Variants in PTPRB observed in about 807,000 individuals in gnomAD.
PTPRB encodes the protein protein tyrosine phosphatase receptor type B.
Under a neutral mutation model 238.1 loss-of-function variants are expected in PTPRB, and 97 were observed. The ratio of observed to expected loss-of-function variants is 0.41; its 90% CI spans 0.35 to 0.48. The LOEUF is 0.48. PTPRB is among the 20% of genes least tolerant of loss of function. The pLI, the probability that PTPRB is intolerant of heterozygous loss-of-function variation, is 0.30. For synonymous variants in PTPRB, 970 were observed against 995.4 expected (o/e 0.97, Z 0.48); for missense variants, 2,292 against 2,681.9 (o/e 0.85, Z 3.21).
In PTPRB at chr12:70,560,894, G is replaced by C. The variant is rs1326988078; in HGVS notation, c.4209C>G (p.Asn1403Lys). 3 of 1,613,450 alleles carry C rather than the reference G, an allele frequency of 1.9e-6. No individual in the cohort carries two copies. Among genetic ancestry groups the C allele is most frequent in the Non-Finnish European group, 2.5e-6 (3 of 1,179,514 alleles). ...AGTTGAACCAAAGGCTGTCTGTCGT[G>C]TTCCGATTGGACCCCCTGAGATGAC... is the stretch of plus-strand genomic sequence containing the variant. ...SVSHLRGSNRNTTDSLWFNWS... is the reference protein window; with the variant it reads ...SVSHLRGSNRKTTDSLWFNWS... The change falls in exon 17 of 34, where the codon AAC becomes AAG. Residue 1403 changes from asparagine to lysine, a missense_variant. Physicochemically the swap from Asn to Lys is moderately conservative, Grantham distance 94. This residue lies in a region of PTPRB where 683 missense variants were observed against 862.0 expected (regional missense o/e 0.79). Coordinates refer to ENST00000334414, the MANE Select transcript of PTPRB (RefSeq NM_001109754.4). The surrounding 1 kb of genome is among the most constrained non-coding windows in gnomAD (Gnocchi z 4.2).
chr12:70,597,018 A>G (rs909781344), intron 4 of PTPRB, among the ~76,000 whole-genome samples: 1 of 151,984 alleles, frequency 6.6e-6, no homozygotes, highest in Non-Finnish European at 1.5e-5. Flanking sequence ...CCCGGGTTCA[A>G]GCAATTCTTC....
intron 4 of PTPRB, among the ~76,000 whole-genome samples, chr12:70,598,305 T>C (rs1883202046): frequency 1.3e-5 from 2 of 152,222 alleles, no homozygotes; most frequent in South Asian, 4.1e-4. Flanking sequence ...GAATATTATA[T>C]AAAAAGTAGT....
At chr12:70,590,340 C>T in intron 7 of PTPRB, 107 bp from the exon 8 acceptor site, 1 of 1,141,722 alleles carries the variant, frequency 8.8e-7, no homozygotes, top group Non-Finnish European at 1.2e-6. Flanking sequence ...ATCTGCAGTT[C>T]AAAACATTTC....
intron 3 of PTPRB, among the ~76,000 whole-genome samples, chr12:70,619,157 AGTGTGT>A (rs3049143): frequency 0.035 from 4,918 of 142,164 alleles, 111 homozygotes; most frequent in Non-Finnish European, 0.048. Context: ...TGTTTAGGGG[AGTGTGT>A]GTGTGTGTGT....
chr12:70,532,239 C>G, intron 31 of PTPRB, 69 bp from the exon 32 acceptor site: 1 of 1,453,670 alleles, frequency 6.9e-7, no homozygotes, highest in Non-Finnish European at 9.2e-7. Flanking sequence ...CATCTAGAGA[C>G]TCTGGCACAA....
chr12:70,608,819 C>G, intron 4 of PTPRB: 1 of 468,564 alleles, frequency 2.1e-6, no homozygotes, highest in Non-Finnish European at 3.7e-6. Flanking sequence ...CTTTGCTGAC[C>G]GCCCTGCACC....
At chr12:70,559,664 T>G (rs1393780567) in intron 17 of PTPRB, 40 bp from the exon 18 acceptor site, 8 of 1,532,524 alleles carry the variant, frequency 5.2e-6, no homozygotes, top group Non-Finnish European at 7.2e-6. Flanking sequence ...TAATCACAGC[T>G]ATGCCATAAC....
intron 2 of PTPRB, among the ~76,000 whole-genome samples, chr12:70,633,773 G>A (rs17108451): frequency 0.14 from 20,960 of 152,080 alleles, 2,402 homozygotes; most frequent in African/African-American, 0.3. Flanking sequence ...GAGGGTCATA[G>A]GAGGTAGTTT....
chr12:70,601,790 C>CTTTTTTTTTTTTTTTT (rs200227553), intron 4 of PTPRB, among the ~76,000 whole-genome samples: 6 of 127,536 alleles, frequency 4.7e-5, no homozygotes, highest in East Asian at 2.3e-4. Flanking sequence ...TTTCTTTTTT[C>CTTTTTTTTTTTTTTTT]TTTTTTTTTT....
chr12:70,570,508 G>A (rs570834831), intron 13 of PTPRB, among the ~76,000 whole-genome samples: 2 of 151,918 alleles, frequency 1.3e-5, no homozygotes, highest in African/African-American at 4.8e-5. Context: ...CACCGTGCCC[G>A]GCTAATTTTT....
In PTPRB at chr12:70,635,969, C is replaced by T; in HGVS notation, c.153G>A (p.Gln51=). The change falls in exon 2 of 34, where the codon CAG becomes CAA. Residue 51 remains glutamine (Q), a synonymous_variant. Coordinates refer to ENST00000334414, the MANE Select transcript of PTPRB (RefSeq NM_001109754.4). The part of the protein sequence containing the change: ...GSCNRTIQNQ[Q]WMWTEDEKLL... Reference sequence around the variant, plus strand: ...GCTTTTCATCCTCAGTCCACATCCACTGCTGGTTCTGGATGGTCCTGTTGC... The same window carrying T: ...GCTTTTCATCCTCAGTCCACATCCATTGCTGGTTCTGGATGGTCCTGTTGC... 2 of 1,613,658 alleles carry T rather than the reference C, an allele frequency of 1.2e-6. No individual in the cohort carries two copies. Among genetic ancestry groups the T allele is most frequent in the Non-Finnish European group, 1.7e-6 (2 of 1,179,790 alleles).
intron 4 of PTPRB, among the ~76,000 whole-genome samples, chr12:70,597,906 T>C (rs912917586): frequency 6.6e-6 from 1 of 152,242 alleles, no homozygotes; most frequent in Non-Finnish European, 1.5e-5. Context: ...TGAAATCTAA[T>C]GTTTCTATGT....
chr12:70,600,122 GA>G (rs1883355349), intron 4 of PTPRB, among the ~76,000 whole-genome samples: 1 of 152,090 alleles, frequency 6.6e-6, no homozygotes. Context: ...AGACTCTTTA[GA>G]ATTAGAAGTG....
intron 4 of PTPRB, among the ~76,000 whole-genome samples, chr12:70,607,219 T>C (rs893183508): frequency 1.5e-4 from 23 of 152,252 alleles, no homozygotes; most frequent in African/African-American, 5.3e-4. Context: ...TAAACAACCA[T>C]ATTCTGGCTT....
chr12:70,594,716 G>A lies in PTPRB; in HGVS notation c.1267C>T (p.Pro423Ser). ...VYTNGSTVPS[P>S]VKDIGISTKA... Reference sequence around the variant, plus strand: ...GTGGAAATACCAATATCTTTCACTGGAGATGGCACTAGTGGGATAAAATGC... The same window carrying A: ...GTGGAAATACCAATATCTTTCACTGAAGATGGCACTAGTGGGATAAAATGC... Residue 423 changes from proline to serine, a missense_variant, in exon 6 of 34, where the codon CCA becomes TCA. Pro to Ser is a moderately conservative substitution (Grantham distance 74, BLOSUM62 -1). This residue lies in a region of PTPRB where 1,205 missense variants were observed against 1,287.8 expected (regional missense o/e 0.94). Transcript: ENST00000334414. The A allele has an allele frequency of 1.2e-6, 2 of 1,613,904 alleles. No individual in the cohort carries two copies. Among genetic ancestry groups the A allele is most frequent in the Non-Finnish European group, 1.7e-6 (2 of 1,179,824 alleles).
At chr12:70,601,548 G>A (rs1883490108) in intron 4 of PTPRB, among the ~76,000 whole-genome samples, 1 of 152,020 alleles carries the variant, frequency 6.6e-6, no homozygotes, top group Non-Finnish European at 1.5e-5. Flanking sequence ...AGAGTGGTGA[G>A]GAGACTTGAT....
At chr12:70,562,293 C>A (rs374870626) in intron 16 of PTPRB, among the ~76,000 whole-genome samples, 6,382 of 152,026 alleles carry the variant, frequency 0.042, 323 homozygotes, top group African/African-American at 0.12. Context: ...CCCCCCAAAA[C>A]ATTTTTTTTT....
chr12:70,583,284 T>A (rs1881568767), intron 9 of PTPRB, among the ~76,000 whole-genome samples: 1 of 152,110 alleles, frequency 6.6e-6, no homozygotes. Context: ...CTAGATACCA[T>A]GAAAATCCTT....
Position 70,519,368 on chromosome 12 carries a change from A to G in PTPRB, c.*2121T>C, listed in dbSNP as rs1871436960. On this transcript the variant is annotated 3_prime_UTR_variant, in exon 34 of 34. Transcript: ENST00000334414. ...GCCTGTGGAAGGTGACCACTGTCCT[A>G]GACTGGCTCAGTTATCCCATTCCCT... The G allele has an allele frequency of 6.6e-6, 1 of 152,184 alleles. No individual in the cohort carries two copies. The highest frequency in any genetic ancestry group is 2.1e-4 in the South Asian group (1 of 4,834). The allele number at this position is 152,184 out of a possible 1,614,324, so 9.4% of individuals were successfully genotyped here. A position where few individuals can be genotyped will look rare whatever the true frequency, so the allele number is the denominator to read the frequency against.
Sources: allele counts gnomAD v4.1 joint callset (sites outside exome capture counted in the v4.1 genomes callset), GRCh38; gene constraint gnomAD v4.1.1; regional missense constraint gnomAD v4.1.1; non-coding constraint Gnocchi (gnomAD v3.1); transcripts MANE v1.5; gene names NCBI Gene and HGNC (gene_info 2026-07-23, HGNC 2026-07-21).